Variants in UBIAD1 observed in about 807,000 individuals in gnomAD.
UBIAD1 encodes ubiA prenyltransferase domain-containing protein 1.
UBIAD1 carries 12 observed loss-of-function variants against 20.1 expected under a neutral mutation model. That is an observed-to-expected ratio of 0.60 (90% CI 0.38 to 0.97). The LOEUF is 0.97. Ranked by LOEUF, UBIAD1 falls within the 50% of genes least tolerant of loss-of-function variation. The probability of loss-of-function intolerance (pLI) is 0.00; values close to 1 mark genes in which losing one functional copy is unlikely to be tolerated. For missense variants in UBIAD1, 333 were observed against 419.5 expected (o/e 0.79, Z 1.80); for synonymous variants, 207 against 189.2 (o/e 1.09, Z -0.77).
intron 1 of UBIAD1, chr1:11,279,366 C>G (rs1652168026): frequency 5.5e-6 from 1 of 181,790 alleles, no homozygotes; most frequent in African/African-American, 2.4e-5. Context: ...AAGGGCAAGG[C>G]TGGGGATAGA....
chr1:11,289,991 A>G (rs1052502704), downstream of UBIAD1, among the ~76,000 whole-genome samples: 4 of 151,776 alleles, frequency 2.6e-5, no homozygotes, highest in African/African-American at 9.7e-5. Context: ...TGGCCTCCCA[A>G]AGTGCTGGGA....
downstream of UBIAD1, among the ~76,000 whole-genome samples, chr1:11,289,030 G>A (rs987807768): frequency 1.3e-5 from 2 of 152,220 alleles, no homozygotes; most frequent in Non-Finnish European, 2.9e-5. Flanking sequence ...TCTTGATAGG[G>A]TCACTGTGCT....
At chr1:11,299,538 C>T (rs760383262), downstream of UBIAD1, among the ~76,000 whole-genome samples, 7 of 152,218 alleles carry the variant, frequency 4.6e-5, no homozygotes, top group South Asian at 2.1e-4. Context: ...TTATAATTCT[C>T]GTTTTCAATT....
At chr1:11,275,774 A>G (rs925049538) in intron 1 of UBIAD1, among the ~76,000 whole-genome samples, 2 of 151,964 alleles carry the variant, frequency 1.3e-5, no homozygotes, top group Non-Finnish European at 2.9e-5. Flanking sequence ...AGTTACATTG[A>G]AGGAGGTAAG....
At chr1:11,296,694 AT>A (rs967984197), downstream of UBIAD1, among the ~76,000 whole-genome samples, 1 of 151,882 alleles carries the variant, frequency 6.6e-6, no homozygotes, top group Non-Finnish European at 1.5e-5. Context: ...TAATTTTTGT[AT>A]TTTTTATAGA....
At chr1:11,289,310 G>C (rs115403539), downstream of UBIAD1, among the ~76,000 whole-genome samples, 2,598 of 152,300 alleles carry the variant, frequency 0.017, 64 homozygotes, top group African/African-American at 0.058. Flanking sequence ...GGATGAGGCA[G>C]CCAAAATGAA....
downstream of UBIAD1, among the ~76,000 whole-genome samples, chr1:11,292,485 T>C (rs905976935): frequency 6.6e-6 from 1 of 152,042 alleles, no homozygotes; most frequent in African/African-American, 2.4e-5. Context: ...CTAAGGGTCT[T>C]CCAATCCTGT....
At chr1:11,281,543 T>C (rs1652241533) in intron 1 of UBIAD1, among the ~76,000 whole-genome samples, 1 of 152,202 alleles carries the variant, frequency 6.6e-6, no homozygotes, top group African/African-American at 2.4e-5. Flanking sequence ...GGTTTAAGAT[T>C]TTTTAAACAT....
Position 11,273,843 on chromosome 1 carries a change from C to T in UBIAD1, c.312C>T (p.Tyr104=), listed in dbSNP as rs1374820108. 2 of 1,614,184 alleles carry T rather than the reference C, an allele frequency of 1.2e-6. No individual in the cohort carries two copies. The highest frequency in any genetic ancestry group is 1.7e-6 in the Non-Finnish European group (2 of 1,180,036). ...GGGCCGGTAATTTGGTCAACACTTA[C>T]TATGACTTTTCCAAGGGCATTGACC... is the stretch of plus-strand genomic sequence containing the variant. ...VHGAGNLVNT[Y]YDFSKGIDHK... The change falls in exon 1 of 2, where the codon TAC becomes TAT. Residue 104 remains tyrosine (Y), a synonymous_variant. Coordinates refer to ENST00000376810, the MANE Select transcript of UBIAD1 (RefSeq NM_013319.3). This position sits in a 1 kb window ranked among gnomAD's most constrained non-coding sequence, Gnocchi z 4.9.
At chr1:11,290,624 G>A (rs530107772), downstream of UBIAD1, among the ~76,000 whole-genome samples, 4 of 152,244 alleles carry the variant, frequency 2.6e-5, no homozygotes, top group Admixed American at 1.3e-4. Context: ...TTCTGGAGTC[G>A]GGTGGGAAAA....
At chr1:11,295,895 C>T (rs3170620), downstream of UBIAD1, 4 of 152,366 alleles carry the variant, frequency 2.6e-5, no homozygotes, top group African/African-American at 9.6e-5. Context: ...CCTGCCACCT[C>T]AAGTGTCAAC....
At chr1:11,290,012 G>A (rs1232146431), downstream of UBIAD1, among the ~76,000 whole-genome samples, 10 of 151,970 alleles carry the variant, frequency 6.6e-5, no homozygotes, top group Admixed American at 6.6e-4. Flanking sequence ...TTACAGGTGT[G>A]AGCCACCGCA....
At position 11,287,021 on chromosome 1, in the gene UBIAD1, A is replaced by G. The variant is rs994776530; in HGVS notation, c.*890A>G. On this transcript the variant is annotated 3_prime_UTR_variant, in exon 2 of 2. Transcript: ENST00000376810. Reference sequence around the variant, plus strand: ...TTTTCCCTCCCTATTGCATCTTCTGATGCTCCCCACACCTACCCTCCACCT... The same window carrying G: ...TTTTCCCTCCCTATTGCATCTTCTGGTGCTCCCCACACCTACCCTCCACCT... 2 of 152,096 alleles carry G rather than the reference A, an allele frequency of 1.3e-5. No homozygotes were observed. The highest frequency in any genetic ancestry group is 4.8e-5 in the African/African-American group (2 of 41,374). 9.4% of individuals were successfully genotyped at this position (152,096 alleles called of 1,614,324 possible). A position where few individuals can be genotyped will look rare whatever the true frequency, so the allele number is the denominator to read the frequency against.
chr1:11,294,534 AAGTGTGTG>A (rs1638418628), intron 1 of UBIAD1, among the ~76,000 whole-genome samples: 1 of 152,058 alleles, frequency 6.6e-6, no homozygotes, highest in Admixed American at 6.6e-5. Context: ...AGCCGCTCCC[AAGTGTGTG>A]AGTGTTGGGG....
intron 1 of UBIAD1, chr1:11,278,797 T>C: frequency 2.0e-6 from 1 of 493,190 alleles, no homozygotes; most frequent in Non-Finnish European, 3.7e-6. Flanking sequence ...TATTAATTCT[T>C]GTTACAAATC....
downstream of UBIAD1, among the ~76,000 whole-genome samples, chr1:11,296,662 G>C (rs1638453429): frequency 6.6e-6 from 1 of 152,096 alleles, no homozygotes; most frequent in African/African-American, 2.4e-5. Flanking sequence ...TTGGACTACA[G>C]GCTTGCACCA....
At chr1:11,277,646 T>A (rs1289675492) in intron 1 of UBIAD1, among the ~76,000 whole-genome samples, 1 of 152,064 alleles carries the variant, frequency 6.6e-6, no homozygotes, top group African/African-American at 2.4e-5. Context: ...AGCATGCCAT[T>A]TCTGTTTTCT....
Position 11,286,316 on chromosome 1 carries a change from A to G in UBIAD1, c.*185A>G, listed in dbSNP as rs1368805577. On this transcript the variant is annotated 3_prime_UTR_variant, in exon 2 of 2. Coordinates refer to ENST00000376810, the MANE Select transcript of UBIAD1 (RefSeq NM_013319.3). ...TGTTTTTCTGTTTTTTGTTTTTTCC[A>G]TTTTATGGGGAATTTAAAAACCATT... The G allele has an allele frequency of 1.3e-6, 1 of 760,976 alleles. No individual in the cohort carries two copies. The highest frequency in any genetic ancestry group is 2.1e-6 in the Non-Finnish European group (1 of 481,160). The allele number at this position is 760,976 out of a possible 1,614,324, so 47.1% of individuals were successfully genotyped here.
downstream of UBIAD1, among the ~76,000 whole-genome samples, chr1:11,298,408 A>G (rs1213559432): frequency 6.6e-6 from 1 of 151,980 alleles, no homozygotes; most frequent in Non-Finnish European, 1.5e-5. The surrounding 1 kb of genome is among the most constrained non-coding windows in gnomAD (Gnocchi z 4.0). Flanking sequence ...TCTCTACTAA[A>G]AATACAAAAA....
Sources: allele counts gnomAD v4.1 joint callset (sites outside exome capture counted in the v4.1 genomes callset), GRCh38; gene constraint gnomAD v4.1.1; non-coding constraint Gnocchi (gnomAD v3.1); transcripts MANE v1.5; gene names NCBI Gene and HGNC (gene_info 2026-07-23, HGNC 2026-07-21).